Variants in MAML2 observed in about 807,000 individuals in gnomAD.
The protein encoded by MAML2 is mastermind-like protein 2.
A neutral mutation model predicts 96.1 loss-of-function variants in MAML2; 22 were observed. That is an observed-to-expected ratio of 0.23 (90% CI 0.16 to 0.33). The LOEUF is 0.33. Ranked by LOEUF, MAML2 falls within the 10% of genes least tolerant of loss-of-function variation. The pLI, the probability that MAML2 is intolerant of heterozygous loss-of-function variation, is 1.00. For missense variants in MAML2, 1,367 were observed against 1,392.4 expected (o/e 0.98, Z 0.29); for synonymous variants, 561 against 521.3 (o/e 1.08, Z -1.04).
At chr11:96,156,201 C>T (rs1298777172) in intron 1 of MAML2, among the ~76,000 whole-genome samples, 1 of 152,206 alleles carries the variant, frequency 6.6e-6, no homozygotes, top group Non-Finnish European at 1.5e-5. Flanking sequence ...CTTCTGACCC[C>T]TTCTGCTCTC....
chr11:96,259,347 G>C (rs753349538), intron 1 of MAML2, among the ~76,000 whole-genome samples: 1 of 152,090 alleles, frequency 6.6e-6, no homozygotes, highest in Non-Finnish European at 1.5e-5. Flanking sequence ...CCTTGCAACC[G>C]TAAGTCATTC....
intron 1 of MAML2, among the ~76,000 whole-genome samples, chr11:96,248,616 T>G (rs949403381): frequency 2.6e-5 from 4 of 152,144 alleles, no homozygotes; most frequent in African/African-American, 9.7e-5. Flanking sequence ...TTCTCCTTTT[T>G]CATTGATTTC....
At chr11:96,234,026 T>C (rs1440048676) in intron 1 of MAML2, among the ~76,000 whole-genome samples, 14 of 152,206 alleles carry the variant, frequency 9.2e-5, no homozygotes, top group Admixed American at 9.2e-4. Context: ...ATTTAAGTCT[T>C]GCTTCTGGAT....
At chr11:96,063,399 C>A (rs929843740) in intron 2 of MAML2, among the ~76,000 whole-genome samples, 2 of 152,182 alleles carry the variant, frequency 1.3e-5, no homozygotes, top group Non-Finnish European at 2.9e-5. Context: ...ACTGTACCCA[C>A]AGTGCCTGGG....
At chr11:96,332,522 C>T (rs567153565) in intron 1 of MAML2, among the ~76,000 whole-genome samples, 34 of 152,332 alleles carry the variant, frequency 2.2e-4, no homozygotes, top group Non-Finnish European at 4.3e-4. Flanking sequence ...TGGGCCCAAA[C>T]TTTACTAAAC....
intron 1 of MAML2, among the ~76,000 whole-genome samples, chr11:96,160,398 A>G: frequency 6.6e-6 from 1 of 151,706 alleles, no homozygotes; most frequent in East Asian, 1.9e-4. Flanking sequence ...GCCTTTAGCA[A>G]ATAGGTTGAC....
chr11:96,341,903 G>T lies in MAML2; in HGVS notation c.-8C>A. On this transcript the variant is annotated 5_prime_UTR_variant, in exon 1 of 5. Coordinates refer to ENST00000524717, the MANE Select transcript of MAML2 (RefSeq NM_032427.4). The stretch of plus-strand genomic sequence containing the variant: ...GGGCGCTGTGTCCCCCATCTTACCG[G>T]ACACAATGATTGCTGCCTCTGGGAT... 1 of 1,507,276 alleles carries T rather than the reference G, an allele frequency of 6.6e-7. No homozygotes were observed. Among genetic ancestry groups the T allele is most frequent in the Non-Finnish European group, 8.8e-7 (1 of 1,131,810 alleles). 93.4% of individuals were successfully genotyped at this position (1,507,276 alleles called of 1,614,324 possible). A position where few individuals can be genotyped will look rare whatever the true frequency, so the allele number is the denominator to read the frequency against.
At chr11:96,032,951 G>T (rs1858642421) in intron 2 of MAML2, among the ~76,000 whole-genome samples, 2 of 152,116 alleles carry the variant, frequency 1.3e-5, no homozygotes, top group South Asian at 4.1e-4. Context: ...ATAGATTGTG[G>T]TTATGGTTAC....
At chr11:96,169,759 A>T (rs1861253143) in intron 1 of MAML2, among the ~76,000 whole-genome samples, 1 of 150,994 alleles carries the variant, frequency 6.6e-6, no homozygotes, top group African/African-American at 2.4e-5. Context: ...GGTTCAAGCG[A>T]TTCTCCTGCC....
intron 1 of MAML2, among the ~76,000 whole-genome samples, chr11:96,340,811 G>T (rs1025780888): frequency 6.6e-6 from 1 of 152,118 alleles, no homozygotes; most frequent in Non-Finnish European, 1.5e-5. Context: ...TCTCTCTTTG[G>T]GATATTTTCC....
intron 1 of MAML2, among the ~76,000 whole-genome samples, chr11:96,194,962 C>A (rs1251071207): frequency 6.6e-6 from 1 of 152,176 alleles, no homozygotes; most frequent in Non-Finnish European, 1.5e-5. Context: ...GATACATATG[C>A]TTGGAAAACA....
At chr11:95,982,853 CTAAAA>C (rs1423399001) in intron 4 of MAML2, among the ~76,000 whole-genome samples, 9 of 152,152 alleles carry the variant, frequency 5.9e-5, no homozygotes, top group Non-Finnish European at 1.2e-4. Flanking sequence ...AGAGGACACT[CTAAAA>C]TAATTATTAA....
At chr11:96,109,253 G>A (rs1860079090) in intron 1 of MAML2, among the ~76,000 whole-genome samples, 2 of 152,166 alleles carry the variant, frequency 1.3e-5, no homozygotes, top group African/African-American at 2.4e-5. Context: ...ATGGGTACAA[G>A]TGAGCTCAGT....
intron 1 of MAML2, among the ~76,000 whole-genome samples, chr11:96,276,241 T>C (rs973693530): frequency 5.3e-5 from 8 of 152,196 alleles, no homozygotes; most frequent in Non-Finnish European, 1.2e-4. Flanking sequence ...GTTTCCTTTT[T>C]CTCCTTCAAA....
intron 1 of MAML2, among the ~76,000 whole-genome samples, chr11:96,299,060 A>AATATATATATATATATATATATAT (rs1555037073): frequency 8.9e-4 from 50 of 56,310 alleles, no homozygotes; most frequent in Admixed American, 1.3e-3. Flanking sequence ...AAAAAAAAAA[A>AATATATATATATATATATATATAT]ATATATATAT....
At chr11:96,251,765 T>C (rs1189208250) in intron 1 of MAML2, among the ~76,000 whole-genome samples, 1 of 145,600 alleles carries the variant, frequency 6.9e-6, no homozygotes, top group Admixed American at 7.0e-5. Flanking sequence ...GGAGTCTCAC[T>C]CTGTCACCCA....
intron 1 of MAML2, among the ~76,000 whole-genome samples, chr11:96,273,722 G>A (rs145233954): frequency 6.6e-6 from 1 of 152,254 alleles, no homozygotes; most frequent in African/African-American, 2.4e-5. Flanking sequence ...AAATGGGGGT[G>A]ATACTCCCTA....
intron 2 of MAML2, among the ~76,000 whole-genome samples, chr11:96,047,663 C>A (rs903808514): frequency 1.3e-5 from 2 of 151,956 alleles, no homozygotes; most frequent in African/African-American, 2.4e-5. Context: ...GTAATCCCAG[C>A]ACGTTGAAAG....
intron 1 of MAML2, among the ~76,000 whole-genome samples, chr11:96,264,640 C>G (rs531955978): frequency 6.6e-6 from 1 of 152,142 alleles, no homozygotes; most frequent in East Asian, 1.9e-4. Context: ...TCCACTCTAC[C>G]GTACTGGTTT....
Sources: gnomAD v4.1 joint callset for allele counts (sites outside exome capture counted in the v4.1 genomes callset) on GRCh38, gnomAD v4.1.1 for gene constraint, MANE v1.5 for transcripts, NCBI Gene and HGNC (gene_info 2026-07-23, HGNC 2026-07-21) for gene names.